Variants in SYT1 observed in about 807,000 individuals in gnomAD.
SYT1 encodes synaptotagmin-1.
Under a neutral mutation model 44.8 loss-of-function variants are expected in SYT1, and 8 were observed. The observed-to-expected ratio is 0.18, with a 90% CI of 0.10 to 0.32. The LOEUF (loss-of-function observed/expected upper bound fraction) is 0.32, where lower values mean the gene tolerates loss of function less well. Ranked by LOEUF, SYT1 falls within the 10% of genes least tolerant of loss-of-function variation. The pLI is 1.00. For missense variants in SYT1, 286 were observed against 509.3 expected (o/e 0.56, Z 4.22); for synonymous variants, 154 against 188.8 (o/e 0.82, Z 1.51).
intron 3 of SYT1, among the ~76,000 whole-genome samples, chr12:79,180,520 T>C (rs1212664276): frequency 6.6e-6 from 1 of 151,996 alleles, no homozygotes; most frequent in Non-Finnish European, 1.5e-5. Context: ...CTCGGGGTTC[T>C]GCAGGCTGTA....
chr12:79,434,381 T>A (rs1007065896), intron 9 of SYT1, among the ~76,000 whole-genome samples: 5 of 152,330 alleles, frequency 3.3e-5, no homozygotes, highest in Admixed American at 6.5e-5. Flanking sequence ...TATATAGACA[T>A]TTTAAACTAT....
chr12:79,209,164 C>G (rs1479007137), intron 3 of SYT1, among the ~76,000 whole-genome samples: 1 of 152,130 alleles, frequency 6.6e-6, no homozygotes, highest in Non-Finnish European at 1.5e-5. Flanking sequence ...ACTTACTTCC[C>G]TCAAGAGAAA....
chr12:79,276,034 A>G (rs1336459984), intron 4 of SYT1, among the ~76,000 whole-genome samples: 3 of 152,226 alleles, frequency 2.0e-5, no homozygotes, highest in Non-Finnish European at 4.4e-5. Flanking sequence ...CATAAACTAT[A>G]CACATTATAG....
intron 8 of SYT1, among the ~76,000 whole-genome samples, chr12:79,317,291 G>A (rs771109907): frequency 7.9e-5 from 12 of 152,184 alleles, no homozygotes; most frequent in Non-Finnish European, 1.6e-4. Flanking sequence ...AAAGCTGATG[G>A]AATAATTCCC....
intron 8 of SYT1, among the ~76,000 whole-genome samples, chr12:79,350,284 G>C (rs1440695332): frequency 1.6e-5 from 2 of 127,830 alleles, no homozygotes; most frequent in East Asian, 2.3e-4. Context: ...ACGGAGTCTC[G>C]CTCTGTCGCC....
At position 79,215,918 on chromosome 12, in the gene SYT1, CTTTTTTTTTTTTTTT is replaced by C. The variant is rs71091653; in HGVS notation, c.-17-1569_-17-1555del. 5.7e-3 allele frequency among the ~76,000 whole-genome samples: 435 copies of C among 76,814 alleles called. 6 individuals carry two copies. Among genetic ancestry groups the C allele is most frequent in the African/African-American group, 0.022 (404 of 18,262 alleles). 50.4% of individuals were successfully genotyped at this position (76,814 alleles called of 152,430 possible). ...ACTCACAAATCGTTTGCATTTCTTT[CTTTTTTTTTTTTTTT>C]TTTTTTTTTTTTTTTGAGACAGAGT... On this transcript the variant is annotated intron_variant, in intron 3 of 10. Transcript: ENST00000261205.
At chr12:79,045,236 A>T (rs1184606310) in intron 2 of SYT1, among the ~76,000 whole-genome samples, 1 of 152,098 alleles carries the variant, frequency 6.6e-6, no homozygotes, top group African/African-American at 2.4e-5. Context: ...GCCGCCTTGC[A>T]GTTTGATCTC....
chr12:79,062,817 A>G (rs917400262), intron 3 of SYT1, among the ~76,000 whole-genome samples: 1 of 152,170 alleles, frequency 6.6e-6, no homozygotes, highest in Non-Finnish European at 1.5e-5. Context: ...AAAAATAACT[A>G]CCATTTATCG....
At chr12:79,109,720 T>C (rs1379570056) in intron 3 of SYT1, among the ~76,000 whole-genome samples, 1 of 152,234 alleles carries the variant, frequency 6.6e-6, no homozygotes, top group African/African-American at 2.4e-5. Flanking sequence ...TTAAAAATTG[T>C]GATATTTCAT....
At chr12:79,127,981 G>C (rs1868548758) in intron 3 of SYT1, among the ~76,000 whole-genome samples, 1 of 152,178 alleles carries the variant, frequency 6.6e-6, no homozygotes, top group Non-Finnish European at 1.5e-5. Flanking sequence ...GAATTAGGTA[G>C]ACAGAAAAAC....
chr12:78,874,468 GC>G (rs1289999163), intron 1 of SYT1, among the ~76,000 whole-genome samples: 1 of 151,578 alleles, frequency 6.6e-6, no homozygotes, highest in African/African-American at 2.4e-5. Context: ...GATTCAGATA[GC>G]CAACTCTGGA....
intron 3 of SYT1, among the ~76,000 whole-genome samples, chr12:79,215,752 T>C (rs1221619102): frequency 6.6e-6 from 1 of 152,044 alleles, no homozygotes. Flanking sequence ...TCTATGTATA[T>C]GTGTTAGCCT....
intron 6 of SYT1, among the ~76,000 whole-genome samples, chr12:79,294,959 T>G (rs1405261075): frequency 1.3e-5 from 2 of 152,088 alleles, no homozygotes; most frequent in Admixed American, 1.3e-4. Context: ...TGGGCCATGT[T>G]AAAAGTTGAG....
chr12:79,099,520 CAG>C (rs1404181977), intron 3 of SYT1, among the ~76,000 whole-genome samples: 1 of 152,050 alleles, frequency 6.6e-6, no homozygotes, highest in Non-Finnish European at 1.5e-5. Flanking sequence ...ACTCAAAAAT[CAG>C]AAATATTGGA....
chr12:79,057,640 T>A (rs1465408198), intron 3 of SYT1, among the ~76,000 whole-genome samples: 2 of 151,920 alleles, frequency 1.3e-5, no homozygotes, highest in Non-Finnish European at 2.9e-5. Context: ...TACTTTAAAA[T>A]TTTTTTTCTA....
At chr12:79,416,466 G>A (rs1414364012) in intron 9 of SYT1, among the ~76,000 whole-genome samples, 1 of 152,092 alleles carries the variant, frequency 6.6e-6, no homozygotes, top group Non-Finnish European at 1.5e-5. Flanking sequence ...CTTCTAAATA[G>A]AGTTTAGGTT....
rs147251720 is a variant in SYT1, at chr12:79,430,000, C to T, written c.929-14073C>T. On this transcript the variant is annotated intron_variant, in intron 9 of 10. Transcript: ENST00000261205. ...TATGCACAGGAAGACTAGAGAAAGC[C>T]AAGGGAAATAGTAAGTTCAAAGGAA... Among the ~76,000 whole-genome samples the T allele has an allele frequency of 5.9e-4, 89 of 152,064 alleles. 1 individual carries two copies. The highest frequency in any genetic ancestry group is 1.9e-3 in the African/African-American group (80 of 41,440).
At chr12:79,239,089 C>T (rs183068919) in intron 4 of SYT1, among the ~76,000 whole-genome samples, 1 of 152,306 alleles carries the variant, frequency 6.6e-6, no homozygotes, top group Admixed American at 6.5e-5. Flanking sequence ...ACAGCAGGCA[C>T]TAAATAATTA....
chr12:79,121,501 C>G (rs1255622520), intron 3 of SYT1, among the ~76,000 whole-genome samples: 2 of 152,174 alleles, frequency 1.3e-5, no homozygotes, highest in African/African-American at 4.8e-5. Flanking sequence ...TAGCCTCTCT[C>G]TGATTCTAGA....
Sources: gnomAD v4.1 joint callset for allele counts (sites outside exome capture counted in the v4.1 genomes callset) on GRCh38, gnomAD v4.1.1 for gene constraint, MANE v1.5 for transcripts, NCBI Gene and HGNC (gene_info 2026-07-23, HGNC 2026-07-21) for gene names.